The following SETD2 variants were observed in gnomAD, a reference collection of about 807,000 sequenced individuals.
The protein encoded by SETD2 is SET domain containing 2, histone lysine methyltransferase.
SETD2 carries 31 observed loss-of-function variants against 242.1 expected under a neutral mutation model. The observed-to-expected ratio is 0.13, with a 90% CI of 0.10 to 0.17. The LOEUF (loss-of-function observed/expected upper bound fraction) is 0.17. Among genes scored for constraint, SETD2 ranks in the 10% least tolerant of loss-of-function variants. SETD2 has a pLI of 1.00. For missense variants in SETD2, 2,481 were observed against 3,046.3 expected, an observed-to-expected ratio of 0.81 and a Z score of 4.37; for synonymous variants, 1,006 against 1,066.5, an observed-to-expected ratio of 0.94 and a Z score of 1.11.
chr3:47,032,540 A>G (rs116344194), intron 18 of SETD2, among the ~76,000 whole-genome samples: 2,072 of 152,224 alleles, frequency 0.014, 21 homozygotes, highest in South Asian at 0.021. Flanking sequence ...AGGAAAAACA[A>G]AAACAAAAAA....
At position 47,083,942 on chromosome 3, in the gene SETD2, A is replaced by G; in HGVS notation, c.5838T>C (p.Ala1946=). The part of the protein sequence containing the change: ...CKVDSETNIE[A]SKLPTSEPEA... ...CTGGTTCAGATGTAGGTAGCTTACT[A>G]GCTTCTATGTTGGTTTCACTATCAA... is the stretch of plus-strand genomic sequence containing the variant. The change falls in exon 12 of 21, where the codon GCT becomes GCC. Residue 1946 remains alanine, a synonymous_variant. Coordinates refer to ENST00000409792, the MANE Select transcript of SETD2 (RefSeq NM_014159.7). The G allele has an allele frequency of 2.5e-6, 4 of 1,614,098 alleles. No homozygotes were observed. Among genetic ancestry groups the G allele is most frequent in the Non-Finnish European group, 3.4e-6 (4 of 1,180,004 alleles).
chr3:47,033,321 C>T (rs2038858387), intron 18 of SETD2, among the ~76,000 whole-genome samples: 1 of 152,332 alleles, frequency 6.6e-6, no homozygotes, highest in East Asian at 1.9e-4. Flanking sequence ...ACAAAGTCCT[C>T]CTAACTTTCT....
At chr3:47,067,402 GCAT>G (rs1469733700) in intron 12 of SETD2, among the ~76,000 whole-genome samples, 29 of 142,026 alleles carry the variant, frequency 2.0e-4, no homozygotes, top group Non-Finnish European at 4.1e-4. Flanking sequence ...CGCTTCCTGA[GCAT>G]CTTTTTTTTT....
At chr3:47,159,312 C>T (rs1697411097) in intron 1 of SETD2, among the ~76,000 whole-genome samples, 1 of 152,122 alleles carries the variant, frequency 6.6e-6, no homozygotes. Context: ...CTTACTATGC[C>T]TAAAATTGAA....
At position 47,087,927 on chromosome 3, in the gene SETD2, C is replaced by T. The variant is rs187192872; in HGVS notation, c.5277+186G>A. 2.2e-4 allele frequency among the ~76,000 whole-genome samples: 33 copies of T among 152,208 alleles called. 1 individual carries two copies. Among genetic ancestry groups the T allele is most frequent in the Admixed American group, 1.9e-3 (29 of 15,280 alleles). On this transcript the variant is annotated intron_variant, in intron 10 of 20. Transcript: ENST00000409792. Reference sequence around the variant, plus strand: ...GTTACAGTGAACCGAGACTGCACCACTGCACTCCAGCCTGGATGACAGAAC... The same window carrying T: ...GTTACAGTGAACCGAGACTGCACCATTGCACTCCAGCCTGGATGACAGAAC...
intron 17 of SETD2, among the ~76,000 whole-genome samples, chr3:47,038,137 TC>T (rs1406428069): frequency 6.6e-6 from 1 of 152,158 alleles, no homozygotes; most frequent in African/African-American, 2.4e-5. Flanking sequence ...ATGTCACCCC[TC>T]TGTAGATGAA....
chr3:47,150,855 G>A (rs2043967482), intron 1 of SETD2, among the ~76,000 whole-genome samples: 1 of 151,104 alleles, frequency 6.6e-6, no homozygotes, highest in South Asian at 2.1e-4. Flanking sequence ...GGGAGGTTGA[G>A]GCTGCAGTGA....
chr3:47,128,078 G>T (rs1037110490), intron 1 of SETD2, among the ~76,000 whole-genome samples: 1 of 152,152 alleles, frequency 6.6e-6, no homozygotes, highest in African/African-American at 2.4e-5. Context: ...TGAATATAAG[G>T]TGTAAGGCAG....
intron 7 of SETD2, among the ~76,000 whole-genome samples, chr3:47,102,307 T>C (rs1314811307): frequency 6.6e-6 from 1 of 152,176 alleles, no homozygotes; most frequent in Non-Finnish European, 1.5e-5. Context: ...AACCAAAACC[T>C]AGGTTGAATG....
intron 8 of SETD2, among the ~76,000 whole-genome samples, chr3:47,099,648 G>C (rs962990029): frequency 1.3e-5 from 2 of 152,054 alleles, no homozygotes; most frequent in African/African-American, 4.8e-5. Context: ...CTTGTGCTAT[G>C]GCCCAGGCTG....
Position 47,123,909 on chromosome 3 carries a change from T to G in SETD2, c.727A>C (p.Ile243Leu). 9.0e-6 allele frequency: 14 copies of G among 1,552,054 alleles called. No individual in the cohort carries two copies. Among genetic ancestry groups the G allele is most frequent in the Non-Finnish European group, 1.2e-5 (14 of 1,146,864 alleles). The change falls in exon 3 of 21, where the codon ATT becomes CTT. Residue 243 changes from isoleucine to leucine, a missense_variant. This residue lies in a region of SETD2 where 334 missense variants were observed against 374.5 expected (regional missense o/e 0.89). Transcript: ENST00000409792. ...VAVRSLKEPP[I>L]IIVPESLEAD... ...TCTAAAGATTCTGGTACAATTATAA[T>G]TGGTGGTTCTTTCAGAGATCTAACT...
At chr3:47,163,740 C>T (rs1283900647) in intron 1 of SETD2, 114 bp downstream of exon 1, 2 of 1,083,644 alleles carry the variant, frequency 1.8e-6, no homozygotes, top group Non-Finnish European at 2.4e-6. Flanking sequence ...CGCGAGGCCA[C>T]CGTGGGCCTG....
At chr3:47,092,825 TA>T (rs1231916349) in intron 9 of SETD2, among the ~76,000 whole-genome samples, 2 of 152,102 alleles carry the variant, frequency 1.3e-5, no homozygotes, top group Non-Finnish European at 2.9e-5. Context: ...CAGGTAAGTT[TA>T]AAAAACAGAA....
rs2107739695 is a variant in SETD2, at chr3:47,120,266, G to C, written c.4370C>G (p.Pro1457Arg). The C allele has an allele frequency of 7.5e-6, 12 of 1,609,044 alleles. No individual in the cohort carries two copies. Among genetic ancestry groups the C allele is most frequent in the Non-Finnish European group, 1.0e-5 (12 of 1,178,154 alleles). ...PSCVMDDFRDPQRWKECAKQG... is the reference protein window; with the variant it reads ...PSCVMDDFRDRQRWKECAKQG... ...CTTGGCACATTCCTTCCATCGCTGTGGGTCCCTGAAGTCATCCATGACACA... is the reference window on the plus strand; with the variant it reads ...CTTGGCACATTCCTTCCATCGCTGTCGGTCCCTGAAGTCATCCATGACACA... Residue 1457 changes from proline (P) to arginine (R), a missense_variant, in exon 3 of 21, where the codon CCA becomes CGA. Physicochemically the swap from Pro to Arg is moderately radical, Grantham distance 103. Around this residue, in one of 17 missense-constraint regions of SETD2, gnomAD observed 48 missense variants for 76.6 expected, o/e 0.63. Transcript: ENST00000409792.
intron 18 of SETD2, among the ~76,000 whole-genome samples, chr3:47,027,939 C>G (rs187974051): frequency 5.3e-5 from 8 of 151,788 alleles, no homozygotes; most frequent in Non-Finnish European, 1.0e-4. Context: ...CTACAGGCGC[C>G]CCCCCGCACA....
intron 6 of SETD2, among the ~76,000 whole-genome samples, chr3:47,105,254 A>G (rs2042363692): frequency 6.6e-6 from 1 of 151,984 alleles, no homozygotes; most frequent in African/African-American, 2.4e-5. Flanking sequence ...TACTAAAAAT[A>G]CAAAAATTAG....
intron 14 of SETD2, 140 bp from the exon 15 acceptor site, chr3:47,057,630 A>G (rs2040137883): frequency 1.6e-6 from 1 of 629,602 alleles, no homozygotes. Flanking sequence ...ACTATACTCA[A>G]AATTACTCAG....
Position 47,150,028 on chromosome 3 carries a change from C to CTTT in SETD2, c.71+13823_71+13825dup, listed in dbSNP as rs71098457. Among the ~76,000 whole-genome samples, 832 of 92,360 alleles carry CTTT rather than the reference C, an allele frequency of 9.0e-3. 96 individuals are homozygous for CTTT. Among genetic ancestry groups the CTTT allele is most frequent in the African/African-American group, 0.032 (722 of 22,672 alleles). 60.6% of individuals were successfully genotyped at this position (92,360 alleles called of 152,430 possible). On this transcript the variant is annotated intron_variant, in intron 1 of 20. Coordinates refer to ENST00000409792, the MANE Select transcript of SETD2 (RefSeq NM_014159.7). Reference sequence around the variant, plus strand: ...GTGTCTTTTGGCATATCCAAAAATACTTTTTTTTTTTTTTTTTTTTGAGAC... The same window carrying CTTT: ...GTGTCTTTTGGCATATCCAAAAATACTTTTTTTTTTTTTTTTTTTTTTTGAGAC...
chr3:47,048,623 T>C (rs1409308799), intron 15 of SETD2, among the ~76,000 whole-genome samples: 1 of 152,202 alleles, frequency 6.6e-6, no homozygotes, highest in Non-Finnish European at 1.5e-5. Context: ...ACAAATTTTT[T>C]CAACTTTTTA....
Sources: allele counts gnomAD v4.1 joint callset (sites outside exome capture counted in the v4.1 genomes callset), GRCh38; gene constraint gnomAD v4.1.1; regional missense constraint gnomAD v4.1.1; transcripts MANE v1.5; gene names NCBI Gene and HGNC (gene_info 2026-07-23, HGNC 2026-07-21).